CSMD3: variants seen among roughly 807,000 people sequenced by gnomAD.
CSMD3 encodes the protein CUB and Sushi multiple domains 3.
Under a neutral mutation model 435.2 loss-of-function variants are expected in CSMD3, and 177 were observed. The ratio of observed to expected loss-of-function variants is 0.41; its 90% CI spans 0.36 to 0.46. The LOEUF is 0.46. CSMD3 is among the 20% of genes least tolerant of loss of function. The pLI is 0.34. For missense variants in CSMD3, 4,265 were observed against 4,504.6 expected (o/e 0.95, Z 1.52); for synonymous variants, 1,656 against 1,520.5 (o/e 1.09, Z -2.07).
At chr8:113,000,389 A>G (rs2085818477) in intron 6 of CSMD3, among the ~76,000 whole-genome samples, 2 of 152,000 alleles carry the variant, frequency 1.3e-5, no homozygotes, top group Admixed American at 1.3e-4. Context: ...AGCATGTCAT[A>G]TATTGACCAC....
intron 45 of CSMD3, among the ~76,000 whole-genome samples, chr8:112,329,405 T>C (rs1823819843): frequency 1.3e-5 from 2 of 152,196 alleles, no homozygotes; most frequent in South Asian, 2.1e-4. Context: ...ACACTAATTA[T>C]ATAGGTATAT....
At chr8:112,757,224 CT>C (rs1016006458) in intron 13 of CSMD3, among the ~76,000 whole-genome samples, 7 of 151,858 alleles carry the variant, frequency 4.6e-5, no homozygotes, top group Non-Finnish European at 8.8e-5. Flanking sequence ...CTATGGAAAG[CT>C]TTTTTTATTA....
At chr8:113,432,561 G>A (rs906376249) in intron 1 of CSMD3, among the ~76,000 whole-genome samples, 1 of 152,212 alleles carries the variant, frequency 6.6e-6, no homozygotes, top group Non-Finnish European at 1.5e-5. Context: ...AGCCCTTGCA[G>A]CACTTGAGCC....
At chr8:113,020,617 T>C (rs998983532) in intron 5 of CSMD3, among the ~76,000 whole-genome samples, 1 of 151,476 alleles carries the variant, frequency 6.6e-6, no homozygotes, top group African/African-American at 2.4e-5. Flanking sequence ...TTCTTAATAA[T>C]AAGAGTTTCA....
intron 4 of CSMD3, among the ~76,000 whole-genome samples, chr8:113,148,987 A>G (rs1386491328): frequency 6.6e-6 from 1 of 151,708 alleles, no homozygotes; most frequent in Non-Finnish European, 1.5e-5. Flanking sequence ...ATATGTGAAT[A>G]TCTGCAAGAG....
At chr8:112,463,999 G>A (rs1817699570) in intron 32 of CSMD3, among the ~76,000 whole-genome samples, 1 of 152,150 alleles carries the variant, frequency 6.6e-6, no homozygotes, top group Admixed American at 6.5e-5. Context: ...CACTTTGGGA[G>A]GCCGAGGCGG....
intron 12 of CSMD3, among the ~76,000 whole-genome samples, chr8:112,807,512 G>T (rs1183730238): frequency 2.0e-5 from 3 of 148,448 alleles, no homozygotes; most frequent in Admixed American, 2.0e-4. Context: ...AGGTAGGTAG[G>T]TAGGTAGGTA....
intron 45 of CSMD3, among the ~76,000 whole-genome samples, chr8:112,323,576 T>C (rs1046088964): frequency 6.6e-6 from 1 of 152,104 alleles, no homozygotes; most frequent in African/African-American, 2.4e-5. Context: ...AAGATGGTCA[T>C]GTGATGATGA....
intron 1 of CSMD3, among the ~76,000 whole-genome samples, chr8:113,381,520 T>C (rs1462366793): frequency 1.3e-5 from 2 of 151,114 alleles, no homozygotes; most frequent in Non-Finnish European, 2.9e-5. Context: ...TTAGAATAAA[T>C]CTACCTCTTT....
intron 3 of CSMD3, among the ~76,000 whole-genome samples, chr8:113,218,457 A>G (rs1462556184): frequency 2.1e-5 from 3 of 144,048 alleles, no homozygotes; most frequent in Non-Finnish European, 3.0e-5. Context: ...AAAAATCAGT[A>G]AAGTGCTACA....
intron 46 of CSMD3, 143 bp downstream of exon 46, chr8:112,319,758 T>C: frequency 1.4e-6 from 1 of 696,212 alleles, no homozygotes; most frequent in Non-Finnish European, 2.6e-6. Flanking sequence ...CCTTCTCCCT[T>C]CTTAAAAATT....
At chr8:112,504,815 C>T (rs1191958261) in intron 29 of CSMD3, among the ~76,000 whole-genome samples, 1 of 152,016 alleles carries the variant, frequency 6.6e-6, no homozygotes, top group Non-Finnish European at 1.5e-5. Context: ...TTCTGTTTTT[C>T]CTAACTCATA....
intron 63 of CSMD3, among the ~76,000 whole-genome samples, chr8:112,253,640 T>C (rs17630545): frequency 0.18 from 28,060 of 151,866 alleles, 3,001 homozygotes; most frequent in Middle Eastern, 0.33. Flanking sequence ...GAAAAGTTGC[T>C]GAATCTCTAC....
chr8:112,927,481 C>A (rs1280916783), intron 9 of CSMD3, among the ~76,000 whole-genome samples: 2 of 152,032 alleles, frequency 1.3e-5, no homozygotes, highest in Admixed American at 6.6e-5. Context: ...TTCCTTCTTT[C>A]TCTTGAATAT....
intron 6 of CSMD3, among the ~76,000 whole-genome samples, chr8:112,985,268 G>A (rs2130987547): frequency 6.6e-6 from 1 of 152,094 alleles, no homozygotes; most frequent in South Asian, 2.1e-4. Flanking sequence ...TAACATTTTA[G>A]TCAGAGGTAG....
intron 4 of CSMD3, 121 bp from the exon 5 acceptor site, chr8:113,099,084 CATA>C: frequency 1.4e-6 from 1 of 709,010 alleles, no homozygotes; most frequent in Non-Finnish European, 2.6e-6. Flanking sequence ...ATACCAAGTG[CATA>C]ATATACTAAT....
chr8:113,085,902 G>A (rs549324776), intron 5 of CSMD3, among the ~76,000 whole-genome samples: 51 of 152,218 alleles, frequency 3.4e-4, no homozygotes, highest in Admixed American at 1.2e-3. Flanking sequence ...CATTGTGTCT[G>A]TTCAAAAAGC....
intron 10 of CSMD3, among the ~76,000 whole-genome samples, chr8:112,862,029 T>G (rs2446472): frequency 0.14 from 20,526 of 151,946 alleles, 1,682 homozygotes; most frequent in Middle Eastern, 0.3. Flanking sequence ...AAAATAGTGC[T>G]CTCTTCATGC....
chr8:112,739,365 T>C (rs1477856113), intron 13 of CSMD3, among the ~76,000 whole-genome samples: 1 of 151,772 alleles, frequency 6.6e-6, no homozygotes. Context: ...ATTACAGTCA[T>C]GGATGAATAG....
Sources: allele counts gnomAD v4.1 joint callset (sites outside exome capture counted in the v4.1 genomes callset), GRCh38; gene constraint gnomAD v4.1.1; transcripts MANE v1.5; gene names NCBI Gene and HGNC (gene_info 2026-07-23, HGNC 2026-07-21).